ECPAS: variants seen among roughly 807,000 people sequenced by gnomAD.
The protein encoded by ECPAS is Ecm29 proteasome adaptor and scaffold.
A neutral mutation model predicts 255.1 loss-of-function variants in ECPAS; 70 were observed. That is an observed-to-expected ratio of 0.27 (90% CI 0.23 to 0.33). ECPAS has a LOEUF of 0.33. ECPAS is among the 10% of genes least tolerant of loss of function. The pLI is 1.00. For synonymous variants in ECPAS, 784 were observed against 775.0 expected (o/e 1.01, Z -0.19); for missense variants, 1,817 against 2,206.4 (o/e 0.82, Z 3.54).
chr9:111,433,127 T>G (rs2098232571), intron 8 of ECPAS, 106 bp downstream of exon 8: 2 of 1,133,054 alleles, frequency 1.8e-6, no homozygotes, highest in African/African-American at 3.1e-5. Context: ...TAATCTCCTC[T>G]AAGTTGAATG....
chr9:111,393,841 G>A, intron 26 of ECPAS, 107 bp from the exon 27 acceptor site: 2 of 834,126 alleles, frequency 2.4e-6, no homozygotes, highest in Non-Finnish European at 1.9e-6. Flanking sequence ...ATCCAAGCCA[G>A]TTACAATCGC....
At chr9:111,455,356 T>C (rs1589221390) in intron 2 of ECPAS, among the ~76,000 whole-genome samples, 1 of 151,996 alleles carries the variant, frequency 6.6e-6, no homozygotes, top group South Asian at 2.1e-4. Flanking sequence ...TGGTGGCGGG[T>C]GCCTGTAGTC....
chr9:111,453,853 A>G (rs1241613499), intron 2 of ECPAS, among the ~76,000 whole-genome samples: 5 of 152,246 alleles, frequency 3.3e-5, no homozygotes, highest in Admixed American at 1.3e-4. Flanking sequence ...AGAAAAGACT[A>G]AAAAACTGTC....
intron 23 of ECPAS, among the ~76,000 whole-genome samples, chr9:111,409,129 T>C (rs139715458): frequency 3.1e-4 from 47 of 152,312 alleles, no homozygotes; most frequent in Non-Finnish European, 4.6e-4. Flanking sequence ...AATCAATGCA[T>C]GCAAAGCACT....
intron 10 of ECPAS, 113 bp downstream of exon 10, chr9:111,427,929 C>A: frequency 1.2e-6 from 1 of 810,050 alleles, no homozygotes. Flanking sequence ...TCTCATTAAT[C>A]TTGTTATATA....
chr9:111,410,841 T>C lies in ECPAS; in HGVS notation c.2377+139A>G, dbSNP rs1589159044. On this transcript the variant is annotated intron_variant, in intron 22 of 49. Transcript: ENST00000684092. Reference sequence around the variant, plus strand: ...GCCTTCGTTGTTACTAAAAATACATTATTTATCAAGTAAGTTTTTTGTGAA... The same window carrying C: ...GCCTTCGTTGTTACTAAAAATACATCATTTATCAAGTAAGTTTTTTGTGAA... The C allele has an allele frequency of 4.3e-6, 4 of 928,818 alleles. No individual in the cohort carries two copies. The East Asian group carries it at 9.8e-5, about 23-fold the overall frequency. The allele number at this position is 928,818 out of a possible 1,614,324, so 57.5% of individuals were successfully genotyped here.
chr9:111,383,033 T>A (rs1177388891), intron 35 of ECPAS, among the ~76,000 whole-genome samples, 178 bp downstream of exon 35: 1 of 152,162 alleles, frequency 6.6e-6, no homozygotes, highest in African/African-American at 2.4e-5. Context: ...TAGGCAAAAA[T>A]AAGGTCTCAT....
At chr9:111,430,004 G>A (rs776342495) in intron 9 of ECPAS, among the ~76,000 whole-genome samples, 1 of 152,186 alleles carries the variant, frequency 6.6e-6, no homozygotes, top group South Asian at 2.1e-4. Context: ...CTAGATTCTA[G>A]ACCAGAAGTC....
chr9:111,376,584 T>C, intron 36 of ECPAS, 43 bp from the exon 37 acceptor site: 5 of 1,464,602 alleles, frequency 3.4e-6, no homozygotes, highest in South Asian at 1.2e-5. Context: ...TTCAATTAAT[T>C]AGGAATAATC....
intron 2 of ECPAS, among the ~76,000 whole-genome samples, chr9:111,453,416 A>T (rs2098262952): frequency 6.6e-6 from 1 of 152,200 alleles, no homozygotes; most frequent in Non-Finnish European, 1.5e-5. Flanking sequence ...TAATTATTGA[A>T]TGATGAAAGA....
intron 2 of ECPAS, among the ~76,000 whole-genome samples, chr9:111,460,338 A>C (rs1473113229): frequency 1.3e-5 from 2 of 152,200 alleles, no homozygotes; most frequent in African/African-American, 4.8e-5. Context: ...AACTTCCTTA[A>C]TCTGATAAGA....
chr9:111,373,214 T>G lies in ECPAS; in HGVS notation c.4292A>C (p.Glu1431Ala). The change falls in exon 41 of 50, where the codon GAA becomes GCA. Residue 1431 changes from glutamate to alanine, a missense_variant. Glu to Ala is a moderately radical substitution (Grantham distance 107). This residue lies in a region of ECPAS where 960 missense variants were observed against 1,179.0 expected (regional missense o/e 0.81). Coordinates refer to ENST00000684092, the MANE Select transcript of ECPAS (RefSeq NM_001364929.1). ...LVRTSRDSSTEKLLQKLNGWY... is the reference protein window; with the variant it reads ...LVRTSRDSSTAKLLQKLNGWY... ...CCCATTGAGCTTCTGCAGGAGTTTT[T>G]CAGTGCTGCTATCCCGTGAGGTCTG... 1 of 1,613,862 alleles carries G rather than the reference T, an allele frequency of 6.2e-7. No individual in the cohort carries two copies.
At chr9:111,455,666 T>C (rs529074878) in intron 2 of ECPAS, among the ~76,000 whole-genome samples, 17 of 152,332 alleles carry the variant, frequency 1.1e-4, no homozygotes, top group African/African-American at 4.1e-4. Flanking sequence ...CAGGGCGGAA[T>C]TTTGGTACAT....
chr9:111,446,288 G>A (rs981313733), intron 3 of ECPAS, among the ~76,000 whole-genome samples: 4 of 152,152 alleles, frequency 2.6e-5, no homozygotes, highest in African/African-American at 7.2e-5. Flanking sequence ...CATATCAAAT[G>A]GCCTCAATTA....
At chr9:111,404,772 G>C (rs1438878393) in intron 24 of ECPAS, among the ~76,000 whole-genome samples, 1 of 35,814 alleles carries the variant, frequency 2.8e-5, no homozygotes, top group Non-Finnish European at 5.4e-5. Flanking sequence ...CAAACAATCT[G>C]AAAAAGAAGT....
intron 2 of ECPAS, among the ~76,000 whole-genome samples, chr9:111,455,287 A>C (rs2098265460): frequency 6.6e-6 from 1 of 152,138 alleles, no homozygotes; most frequent in Non-Finnish European, 1.5e-5. Flanking sequence ...GATAGAGACT[A>C]TCCTGGCGAA....
chr9:111,436,686 A>G (rs896885018), intron 7 of ECPAS, among the ~76,000 whole-genome samples: 3 of 152,276 alleles, frequency 2.0e-5, no homozygotes, highest in Non-Finnish European at 2.9e-5. Flanking sequence ...TATTCAATTT[A>G]TAAGTGAGTT....
rs749463093 is a variant in ECPAS, at chr9:111,425,512, A to C, written c.1137-16T>G. 7.1e-6 allele frequency: 11 copies of C among 1,541,402 alleles called. No homozygotes were observed. In the African/African-American group the frequency reaches 1.4e-4, roughly 19 times the overall value. ...TTCTGGACAGCTTTAAATAAAACAC[A>C]CATACACAAAGCAAGATAAGAATCT... is the stretch of plus-strand genomic sequence containing the variant. On this transcript the variant is annotated splice_polypyrimidine_tract_variant and intron_variant, in intron 11 of 49. Transcript: ENST00000684092.
Position 111,385,582 on chromosome 9 carries a change from T to C in ECPAS, c.3528-140A>G, listed in dbSNP as rs945401505. The C allele has an allele frequency of 7.9e-6, 5 of 635,458 alleles. No individual in the cohort carries two copies. The African/African-American group carries it at 9.3e-5, about 12-fold the overall frequency. 39.4% of individuals were successfully genotyped at this position (635,458 alleles called of 1,614,324 possible). Reference sequence around the variant, plus strand: ...CACCCCAAAACAGCAATGACTTCTCTCCAGGTCCCTCAAATATACCATATA... The same window carrying C: ...CACCCCAAAACAGCAATGACTTCTCCCCAGGTCCCTCAAATATACCATATA... On this transcript the variant is annotated intron_variant, in intron 32 of 49. Coordinates refer to ENST00000684092, the MANE Select transcript of ECPAS (RefSeq NM_001364929.1).
Sources: gnomAD v4.1 joint callset for allele counts (sites outside exome capture counted in the v4.1 genomes callset) on GRCh38, gnomAD v4.1.1 for gene constraint, gnomAD v4.1.1 regional missense constraint, MANE v1.5 for transcripts, NCBI Gene and HGNC (gene_info 2026-07-23, HGNC 2026-07-21) for gene names.